ADAMTS9: variants seen among roughly 807,000 people sequenced by gnomAD.
ADAMTS9 encodes the protein ADAM metallopeptidase with thrombospondin type 1 motif 9, also known as A disintegrin and metalloproteinase with thrombospondin motifs 9.
A neutral mutation model predicts 257.1 loss-of-function variants in ADAMTS9; 107 were observed. The observed-to-expected ratio is 0.42, with a 90% CI of 0.36 to 0.49. The LOEUF (loss-of-function observed/expected upper bound fraction) is 0.49. Among genes scored for constraint, ADAMTS9 ranks in the 20% least tolerant of loss-of-function variants. The pLI is 0.03. For synonymous variants in ADAMTS9, 982 were observed against 880.9 expected (o/e 1.11, Z -2.03); for missense variants, 2,353 against 2,469.1 (o/e 0.95, Z 1.00).
chr3:64,542,220 TACACACAC>T (rs60208170), intron 32 of ADAMTS9, among the ~76,000 whole-genome samples: 1 of 133,074 alleles, frequency 7.5e-6, no homozygotes, highest in Non-Finnish European at 1.8e-5. Flanking sequence ...TGTGTAATTT[TACACACAC>T]ACACACACAC....
rs148890993 is a variant in ADAMTS9, at chr3:64,649,949, T to G, written c.1464-171A>C. 1.4e-3 allele frequency: 1,189 copies of G among 844,308 alleles called. 1 individual carries two copies. Among genetic ancestry groups the G allele is most frequent in the Non-Finnish European group, 1.8e-3 (1,051 of 573,216 alleles). 52.3% of individuals were successfully genotyped at this position (844,308 alleles called of 1,614,324 possible). On this transcript the variant is annotated intron_variant, in intron 9 of 39. Transcript: ENST00000498707. ...TAAATCCAGATGCTGAAGTTACATT[T>G]TTGCTGTTTACTTTGTAGAACCACA... is the stretch of plus-strand genomic sequence containing the variant.
chr3:64,581,957 G>A (rs1429489045), intron 28 of ADAMTS9, among the ~76,000 whole-genome samples: 1 of 152,090 alleles, frequency 6.6e-6, no homozygotes, highest in Non-Finnish European at 1.5e-5. Context: ...TTCTTCTCCA[G>A]TCTCAAAGCT....
intron 10 of ADAMTS9, among the ~76,000 whole-genome samples, 174 bp downstream of exon 10, chr3:64,649,463 T>G (rs114564945): frequency 2.0e-5 from 3 of 152,198 alleles, no homozygotes; most frequent in Non-Finnish European, 4.4e-5. Flanking sequence ...TATTTAACAC[T>G]GAGCAGCAGT....
At chr3:64,627,191 T>TG (rs1700244748) in intron 16 of ADAMTS9, among the ~76,000 whole-genome samples, 1 of 152,162 alleles carries the variant, frequency 6.6e-6, no homozygotes, top group Non-Finnish European at 1.5e-5. Context: ...TGGGTTAATT[T>TG]GGGGGGTCTT....
intron 12 of ADAMTS9, among the ~76,000 whole-genome samples, chr3:64,635,141 C>A (rs1237849732): frequency 2.6e-5 from 4 of 152,184 alleles, no homozygotes; most frequent in Non-Finnish European, 5.9e-5. Flanking sequence ...CCACTCTGAG[C>A]ACCGAGGCAG....
intron 12 of ADAMTS9, among the ~76,000 whole-genome samples, chr3:64,638,444 G>A (rs1431492560): frequency 6.6e-6 from 1 of 152,088 alleles, no homozygotes; most frequent in Non-Finnish European, 1.5e-5. Flanking sequence ...CTTATAGGCT[G>A]GGTGACCGTG....
chr3:64,639,582 A>C (rs978896679), intron 12 of ADAMTS9, among the ~76,000 whole-genome samples: 1 of 151,958 alleles, frequency 6.6e-6, no homozygotes, highest in Non-Finnish European at 1.5e-5. Context: ...AAGGCCAAAC[A>C]CTTCTTTTGA....
intron 30 of ADAMTS9, among the ~76,000 whole-genome samples, chr3:64,557,242 G>T (rs1255067422): frequency 6.6e-6 from 1 of 152,052 alleles, no homozygotes; most frequent in East Asian, 1.9e-4. Context: ...AGGTAAAGGG[G>T]GAAAAGAACA....
intron 29 of ADAMTS9, among the ~76,000 whole-genome samples, chr3:64,567,603 A>G (rs1406520642): frequency 6.6e-6 from 1 of 152,056 alleles, no homozygotes; most frequent in Admixed American, 6.5e-5. Context: ...TTCCTGTTTC[A>G]AGTTCAATAG....
At chr3:64,632,237 C>A (rs1006182903) in intron 14 of ADAMTS9, among the ~76,000 whole-genome samples, 4 of 151,754 alleles carry the variant, frequency 2.6e-5, no homozygotes, top group Admixed American at 6.6e-5. Flanking sequence ...GTTTGAAAAG[C>A]ACTAGTCTGT....
chr3:64,615,369 C>A lies in ADAMTS9; in HGVS notation c.3141G>T (p.Arg1047Ser). The A allele has an allele frequency of 6.2e-7, 1 of 1,614,056 alleles. No homozygotes were observed. Among genetic ancestry groups the A allele is most frequent in the Non-Finnish European group, 8.5e-7 (1 of 1,179,954 alleles). Residue 1047 changes from arginine to serine, a missense_variant, in exon 21 of 40, where the codon AGG becomes AGT. Around this residue, in one of 3 missense-constraint regions of ADAMTS9, gnomAD observed 1,402 missense variants for 1,441.4 expected, o/e 0.97. Coordinates refer to ENST00000498707, the MANE Select transcript of ADAMTS9 (RefSeq NM_182920.2). Reference protein sequence around the residue: ...CTHQEKVTIQRCSEFPCPQWK... With the variant: ...CTHQEKVTIQSCSEFPCPQWK... ...ACTGTGGACAAGGGAACTCACTGCA[C>A]CTCTGAATGGTAACTTTCTCTTGAT...
At position 64,601,059 on chromosome 3, in the gene ADAMTS9, T is replaced by A. The variant is rs115038692; in HGVS notation, c.4017+885A>T. On this transcript the variant is annotated intron_variant, in intron 26 of 39. Transcript: ENST00000498707. ...ACATGTCTGGTATTGCACAGCATAT[T>A]TTTTTTTAATTATTTAGTAAAAACT... Among the ~76,000 whole-genome samples, 780 of 152,028 alleles carry A rather than the reference T, an allele frequency of 5.1e-3. 2 individuals are homozygous for A. Among genetic ancestry groups the A allele is most frequent in the African/African-American group, 0.017 (723 of 41,484 alleles).
intron 16 of ADAMTS9, among the ~76,000 whole-genome samples, chr3:64,630,708 C>T (rs1214004541): frequency 6.6e-6 from 1 of 152,118 alleles, no homozygotes; most frequent in African/African-American, 2.4e-5. Flanking sequence ...ACAGGTACAG[C>T]AAATCACCAT....
intron 32 of ADAMTS9, among the ~76,000 whole-genome samples, chr3:64,544,535 T>C (rs113048493): frequency 1.0e-3 from 153 of 152,262 alleles, no homozygotes; most frequent in African/African-American, 3.5e-3. Flanking sequence ...ATTTAATAAA[T>C]GGTGCTGGGA....
At chr3:64,540,313 G>A (rs1008466652) in intron 36 of ADAMTS9, among the ~76,000 whole-genome samples, 3 of 152,132 alleles carry the variant, frequency 2.0e-5, no homozygotes, top group Non-Finnish European at 2.9e-5. Context: ...ATGTTAATGA[G>A]GAAAAATTAA....
chr3:64,662,605 AATTATT>A (rs1479529458), intron 3 of ADAMTS9, among the ~76,000 whole-genome samples: 1 of 152,110 alleles, frequency 6.6e-6, no homozygotes, highest in Non-Finnish European at 1.5e-5. Flanking sequence ...ACATGTTTAT[AATTATT>A]ATATCTTCCT....
chr3:64,647,357 A>T (rs2106937089), intron 11 of ADAMTS9, among the ~76,000 whole-genome samples: 1 of 152,352 alleles, frequency 6.6e-6, no homozygotes, highest in South Asian at 2.1e-4. Context: ...CACTGTTACC[A>T]TTGGGCCACA....
At chr3:64,680,739 A>G (rs142173430) in intron 3 of ADAMTS9, among the ~76,000 whole-genome samples, 157 of 152,292 alleles carry the variant, frequency 1.0e-3, no homozygotes, top group African/African-American at 3.7e-3. Context: ...CAACAAACAC[A>G]TATATGTTTT....
chr3:64,648,526 T>C (rs1290583301), intron 10 of ADAMTS9, among the ~76,000 whole-genome samples: 1 of 152,242 alleles, frequency 6.6e-6, no homozygotes, highest in Non-Finnish European at 1.5e-5. Context: ...CCATTTGCTA[T>C]ATTTAGCTCT....
Sources: allele counts gnomAD v4.1 joint callset (sites outside exome capture counted in the v4.1 genomes callset), GRCh38; gene constraint gnomAD v4.1.1; regional missense constraint gnomAD v4.1.1; transcripts MANE v1.5; gene names NCBI Gene and HGNC (gene_info 2026-07-23, HGNC 2026-07-21).